ERAP2: variants seen among roughly 807,000 people sequenced by gnomAD.
ERAP2 encodes leukocyte-derived arginine aminopeptidase.
Under a neutral mutation model 111.1 loss-of-function variants are expected in ERAP2, and 118 were observed. That is an observed-to-expected ratio of 1.06 (90% CI 0.92 to 1.24). The LOEUF (loss-of-function observed/expected upper bound fraction) is 1.24. ERAP2 is among the 50% of genes most tolerant of loss of function. The pLI is 0.00. For missense variants in ERAP2, 1,131 were observed against 1,125.8 expected, an observed-to-expected ratio of 1.00 and a Z score of -0.07; for synonymous variants, 410 against 401.2, an observed-to-expected ratio of 1.02 and a Z score of -0.26.
rs1454490474 is a variant in ERAP2, at chr5:96,917,827, ACC to A, written c.*224_*225del. ...AGGCTGCAGCAGGAAAATGGCATAAACCCGGGAGGTGGAGCTTGCAGTGAGCC... is the reference window on the plus strand; with the variant it reads ...AGGCTGCAGCAGGAAAATGGCATAAACGGGAGGTGGAGCTTGCAGTGAGCC... On this transcript the variant is annotated 3_prime_UTR_variant, in exon 19 of 19. Transcript: ENST00000437043. The A allele has an allele frequency of 4.3e-6, 1 of 232,906 alleles. No homozygotes were observed. The highest frequency in any genetic ancestry group is 2.4e-5 in the African/African-American group (1 of 40,828). The allele number at this position is 232,906 out of a possible 1,614,324, so 14.4% of individuals were successfully genotyped here.
chr5:96,888,626 C>T (rs56414182), intron 4 of ERAP2, among the ~76,000 whole-genome samples: 11,119 of 152,184 alleles, frequency 0.073, 561 homozygotes, highest in Middle Eastern at 0.16. Flanking sequence ...AAAAGTAGCT[C>T]TATACTTGGA....
chr5:96,892,636 T>G (rs1288017367), intron 6 of ERAP2, among the ~76,000 whole-genome samples, 183 bp downstream of exon 6: 3 of 152,222 alleles, frequency 2.0e-5, no homozygotes. Context: ...GTGTGCATAC[T>G]GGAATTTTAT....
At position 96,912,770 on chromosome 5, in the gene ERAP2, A is replaced by T. The variant is rs1322039813; in HGVS notation, c.2488A>T (p.Thr830Ser). The change falls in exon 16 of 19, where the codon ACG becomes TCG. Residue 830 changes from threonine (T) to serine (S), a missense_variant. Thr to Ser is a moderately conservative substitution (Grantham distance 58, BLOSUM62 1). Around this residue, in one of 3 missense-constraint regions of ERAP2, gnomAD observed 279 missense variants for 250.9 expected, o/e 1.11. Transcript: ENST00000437043. ...AAACAAAATTCTGTATGCTTTGTCA[A>T]CGAGCAAGCATCAGGAAAAGTTACT... ...EQNKILYALS[T>S]SKHQEKLLKL... is the part of the protein sequence containing the mutation. The T allele has an allele frequency of 1.9e-6, 3 of 1,602,068 alleles. No individual in the cohort carries two copies. Among genetic ancestry groups the T allele is most frequent in the Non-Finnish European group, 2.5e-6 (3 of 1,177,110 alleles).
At chr5:96,879,175 T>C (rs1782883320) in intron 1 of ERAP2, among the ~76,000 whole-genome samples, 1 of 152,136 alleles carries the variant, frequency 6.6e-6, no homozygotes, top group African/African-American at 2.4e-5. Flanking sequence ...GCTGTGATCA[T>C]GATTGCACAC....
At chr5:96,912,842 C>A (rs1786954042) in intron 16 of ERAP2, 44 bp downstream of exon 16, 2 of 1,507,700 alleles carry the variant, frequency 1.3e-6, no homozygotes, top group African/African-American at 1.4e-5. Context: ...TAAACTGACA[C>A]AAATTCAGTG....
chr5:96,881,355 A>G (rs1783112141), intron 2 of ERAP2: 1 of 452,590 alleles, frequency 2.2e-6, no homozygotes, highest in South Asian at 1.6e-5. Context: ...CTTGGCAGTT[A>G]TTTTGGAGGG....
intron 18 of ERAP2, among the ~76,000 whole-genome samples, 195 bp from the exon 19 acceptor site, chr5:96,917,267 C>T (rs116612694): frequency 4.1e-4 from 63 of 152,138 alleles, no homozygotes; most frequent in African/African-American, 1.4e-3. Flanking sequence ...CCATCATGTC[C>T]GACTAATTTT....
intron 2 of ERAP2, 84 bp from the exon 3 acceptor site, chr5:96,883,708 G>T: frequency 7.2e-7 from 1 of 1,397,212 alleles, no homozygotes; most frequent in South Asian, 1.4e-5. Flanking sequence ...CCCCAGGTTT[G>T]ATAAGCTGTT....
Position 96,896,717 on chromosome 5 carries a change from TG to T in ERAP2, c.1372-14del, listed in dbSNP as rs781245522. On this transcript the variant is annotated splice_polypyrimidine_tract_variant and intron_variant, in intron 8 of 18. Transcript: ENST00000437043. ...TCTTTATCTCTTTTTTCAACTCTTT[TG>T]TTTTTTTTTAAAGGGAGCTTGTATT... is the stretch of plus-strand genomic sequence containing the variant. 3.1e-5 allele frequency: 48 copies of T among 1,558,550 alleles called. No individual in the cohort carries two copies. In the East Asian group the frequency reaches 7.9e-4, roughly 26 times the overall value.
Position 96,912,693 on chromosome 5 carries a change from G to A in ERAP2, c.2411G>A (p.Gly804Glu), listed in dbSNP as rs745408041. The change falls in exon 16 of 19, where the codon GGA (glycine) becomes GAA (glutamate). Residue 804 changes from glycine to glutamate, a missense_variant. Around this residue, in one of 3 missense-constraint regions of ERAP2, gnomAD observed 279 missense variants for 250.9 expected, o/e 1.11. Coordinates refer to ENST00000437043, the MANE Select transcript of ERAP2 (RefSeq NM_022350.5). ...VYSVGAQTTA[G>E]WNYLLEQYEL... is the part of the protein sequence containing the mutation. Reference sequence around the variant, plus strand: ...TCTGTGGGTGCTCAGACAACAGCAGGATGGAATTACCTTTTAGAGCAATAT... The same window carrying A: ...TCTGTGGGTGCTCAGACAACAGCAGAATGGAATTACCTTTTAGAGCAATAT... 5 of 1,610,428 alleles carry A rather than the reference G, an allele frequency of 3.1e-6. No individual in the cohort carries two copies. The highest frequency in any genetic ancestry group is 4.2e-6 in the Non-Finnish European group (5 of 1,178,726).
At chr5:96,883,719 T>G (rs1345078534) in intron 2 of ERAP2, 73 bp from the exon 3 acceptor site, 2 of 1,472,762 alleles carry the variant, frequency 1.4e-6, no homozygotes, top group Admixed American at 2.2e-5. Context: ...ATAAGCTGTT[T>G]GCTGAATGTA....
Position 96,903,490 on chromosome 5 carries a change from A to C in ERAP2, c.1942A>C (p.Asn648His), listed in dbSNP as rs759544348. The C allele has an allele frequency of 6.2e-7, 1 of 1,614,032 alleles. No individual in the cohort carries two copies. The highest frequency in any genetic ancestry group is 8.5e-7 in the Non-Finnish European group (1 of 1,179,944). Reference protein sequence around the residue: ...HGWDQLITQLNQNHTLLRPKD... With the variant: ...HGWDQLITQLHQNHTLLRPKD... ...ATGGGACCAACTCATTACACAGCTG[A>C]ATCAGAACCACACACTTCTCAGACC... Residue 648 changes from asparagine (N) to histidine (H), a missense_variant, in exon 13 of 19, where the codon AAT becomes CAT. Physicochemically the swap from Asn to His is moderately conservative, Grantham distance 68. This residue lies in a region of ERAP2 where 847 missense variants were observed against 856.5 expected (regional missense o/e 0.99). Coordinates refer to ENST00000437043, the MANE Select transcript of ERAP2 (RefSeq NM_022350.5).
chr5:96,913,452 G>C lies in ERAP2; in HGVS notation c.2652G>C (p.Leu884=). 2 of 1,613,870 alleles carry C rather than the reference G, an allele frequency of 1.2e-6. No homozygotes were observed. Among genetic ancestry groups the C allele is most frequent in the Non-Finnish European group, 1.7e-6 (2 of 1,179,868 alleles). The change falls in exon 17 of 19, where the codon CTG becomes CTC. Residue 884 remains leucine (L), a synonymous_variant. Coordinates refer to ENST00000437043, the MANE Select transcript of ERAP2 (RefSeq NM_022350.5). ...DFVRENWTHL[L]KKFDLGSYDI... The stretch of plus-strand genomic sequence containing the variant: ...TAAGAGAAAATTGGACCCATCTTCT[G>C]AAAAAGTTGGTATTCATTTTCATCC...
intron 11 of ERAP2, 51 bp from the exon 12 acceptor site, chr5:96,902,223 A>C (rs1204872495): frequency 7.8e-7 from 1 of 1,289,534 alleles, no homozygotes; most frequent in Non-Finnish European, 1.1e-6. Context: ...CAATGTGAAA[A>C]ATCACAGCAG....
intron 1 of ERAP2, among the ~76,000 whole-genome samples, chr5:96,878,192 T>C (rs1782747977): frequency 6.6e-6 from 1 of 150,656 alleles, no homozygotes; most frequent in Admixed American, 6.7e-5. Flanking sequence ...TTAATTGTGC[T>C]TTCAAAAGTA....
At chr5:96,897,211 C>T (rs947564852) in intron 9 of ERAP2, among the ~76,000 whole-genome samples, 6 of 152,142 alleles carry the variant, frequency 3.9e-5, no homozygotes, top group Non-Finnish European at 8.8e-5. Flanking sequence ...CAACTGTATT[C>T]CCCAATGTGT....
chr5:96,880,126 A>T lies in ERAP2; in HGVS notation c.441A>T (p.Gln147His), dbSNP rs193185786. 1.3e-5 allele frequency: 21 copies of T among 1,614,160 alleles called. No homozygotes were observed. The highest frequency in any genetic ancestry group is 1.7e-5 in the Non-Finnish European group (20 of 1,180,010). ...TTTTGAGTTACCCTGCTCATGAACA[A>T]ATTGCACTGCTGGTTCCAGAGAAAC... ...LKVLSYPAHE[Q>H]IALLVPEKLT... The change falls in exon 2 of 19, where the codon CAA becomes CAT. Residue 147 changes from glutamine to histidine, a missense_variant. By Grantham distance (24) the Gln-to-His change is conservative. Around this residue, in one of 3 missense-constraint regions of ERAP2, gnomAD observed 847 missense variants for 856.5 expected, o/e 0.99. Transcript: ENST00000437043.
At chr5:96,891,499 G>GTATA (rs373623665) in intron 5 of ERAP2, among the ~76,000 whole-genome samples, 3 of 140,014 alleles carry the variant, frequency 2.1e-5, no homozygotes, top group East Asian at 2.1e-4. Flanking sequence ...GTGTGTGTGT[G>GTATA]TATATATATA....
intron 6 of ERAP2, among the ~76,000 whole-genome samples, chr5:96,893,543 C>A (rs1784586382): frequency 6.6e-6 from 1 of 152,166 alleles, no homozygotes; most frequent in South Asian, 2.1e-4. Context: ...TTAACTGAGT[C>A]TGGGGATTTC....
Sources: gnomAD v4.1 joint callset for allele counts (sites outside exome capture counted in the v4.1 genomes callset) on GRCh38, gnomAD v4.1.1 for gene constraint, gnomAD v4.1.1 regional missense constraint, MANE v1.5 for transcripts, NCBI Gene and HGNC (gene_info 2026-07-23, HGNC 2026-07-21) for gene names.